Variants in PTPRD observed in about 807,000 individuals in gnomAD.
PTPRD encodes the protein receptor-type tyrosine-protein phosphatase delta.
Under a neutral mutation model 214.5 loss-of-function variants are expected in PTPRD, and 34 were observed. The ratio of observed to expected loss-of-function variants is 0.16; its 90% CI spans 0.12 to 0.21. The LOEUF is 0.21. Ranked by LOEUF, PTPRD falls within the 10% of genes least tolerant of loss-of-function variation. The pLI, the probability that PTPRD is intolerant of heterozygous loss-of-function variation, is 1.00. For synonymous variants in PTPRD, 1,128 were observed against 845.7 expected, an observed-to-expected ratio of 1.33 and a Z score of -5.79; for missense variants, 2,545 against 2,398.7, an observed-to-expected ratio of 1.06 and a Z score of -1.27.
At chr9:8,660,574 G>A (rs566557099) in intron 12 of PTPRD, among the ~76,000 whole-genome samples, 13 of 152,014 alleles carry the variant, frequency 8.6e-5, no homozygotes, top group Non-Finnish European at 1.8e-4. Context: ...TCCCCAGCTG[G>A]CTCCCAGCCC....
At chr9:8,891,520 G>T (rs1409548472) in intron 11 of PTPRD, among the ~76,000 whole-genome samples, 1 of 151,266 alleles carries the variant, frequency 6.6e-6, no homozygotes, top group South Asian at 2.1e-4. Context: ...ATACATTAAA[G>T]AGCCATTTGT....
intron 2 of PTPRD, among the ~76,000 whole-genome samples, chr9:10,454,773 C>T (rs562453950): frequency 6.6e-6 from 1 of 151,658 alleles, no homozygotes; most frequent in South Asian, 2.1e-4. Context: ...GTACCCAAAG[C>T]ACATATGCAG....
intron 3 of PTPRD, among the ~76,000 whole-genome samples, chr9:10,183,597 T>C (rs1216502390): frequency 1.3e-5 from 2 of 151,892 alleles, no homozygotes; most frequent in African/African-American, 4.8e-5. Flanking sequence ...AATTTCTTTC[T>C]TTTTTTTCAC....
intron 21 of PTPRD, among the ~76,000 whole-genome samples, chr9:8,508,905 G>C (rs1328626196): frequency 2.0e-5 from 3 of 151,554 alleles, no homozygotes; most frequent in South Asian, 2.1e-4. Context: ...GTGTGTGTGT[G>C]TGTGTGTGTG....
At chr9:9,427,600 C>A (rs750730870) in intron 8 of PTPRD, among the ~76,000 whole-genome samples, 32 of 152,090 alleles carry the variant, frequency 2.1e-4, no homozygotes, top group Non-Finnish European at 4.4e-4. Context: ...AACTCCAAGA[C>A]ACATAATTGT....
At chr9:9,912,551 G>A (rs560916909) in intron 5 of PTPRD, among the ~76,000 whole-genome samples, 1 of 152,232 alleles carries the variant, frequency 6.6e-6, no homozygotes, top group African/African-American at 2.4e-5. Context: ...GAAATAATTT[G>A]GTAATGAAGC....
intron 5 of PTPRD, among the ~76,000 whole-genome samples, chr9:9,851,365 CTG>C (rs1411686935): frequency 6.6e-6 from 1 of 152,184 alleles, no homozygotes; most frequent in African/African-American, 2.4e-5. Flanking sequence ...ACAGAAATAA[CTG>C]TTATATCTGT....
intron 4 of PTPRD, among the ~76,000 whole-genome samples, chr9:10,013,570 T>A (rs2096643159): frequency 6.8e-6 from 1 of 147,952 alleles, no homozygotes; most frequent in African/African-American, 2.4e-5. Flanking sequence ...CTACTTCAGA[T>A]ACAATGTAGT....
At chr9:9,106,863 T>C (rs926903804) in intron 10 of PTPRD, among the ~76,000 whole-genome samples, 7 of 152,278 alleles carry the variant, frequency 4.6e-5, no homozygotes, top group African/African-American at 1.7e-4. Context: ...TGAATATACC[T>C]CAGCATAGAC....
At chr9:8,365,293 C>T (rs975852333) in intron 39 of PTPRD, among the ~76,000 whole-genome samples, 37 of 152,154 alleles carry the variant, frequency 2.4e-4, no homozygotes, top group African/African-American at 6.7e-4. Flanking sequence ...TCTTGAATTA[C>T]AGGAAGATGT....
chr9:9,362,766 T>C (rs936093723), intron 9 of PTPRD, among the ~76,000 whole-genome samples: 1 of 151,318 alleles, frequency 6.6e-6, no homozygotes, highest in Non-Finnish European at 1.5e-5. Context: ...CTTGATAGAA[T>C]AGCAAATGTG....
chr9:10,330,227 C>T (rs1226938065), intron 3 of PTPRD, among the ~76,000 whole-genome samples: 1 of 151,686 alleles, frequency 6.6e-6, no homozygotes, highest in Non-Finnish European at 1.5e-5. Flanking sequence ...TTGTAAATCC[C>T]AATAGCTAAT....
chr9:8,702,064 C>A (rs1020617416), intron 12 of PTPRD, among the ~76,000 whole-genome samples: 2 of 151,996 alleles, frequency 1.3e-5, no homozygotes, highest in Non-Finnish European at 2.9e-5. Context: ...CGTGAGGACT[C>A]TCAATTACTT....
intron 7 of PTPRD, among the ~76,000 whole-genome samples, chr9:9,619,272 T>G (rs1490405661): frequency 6.6e-6 from 1 of 151,900 alleles, no homozygotes; most frequent in Non-Finnish European, 1.5e-5. Flanking sequence ...TGAAATGAAG[T>G]TGCAGTATCA....
chr9:9,684,951 A>G (rs2154399852), intron 7 of PTPRD, among the ~76,000 whole-genome samples: 1 of 151,774 alleles, frequency 6.6e-6, no homozygotes, highest in South Asian at 2.1e-4. Flanking sequence ...TAGATTATAC[A>G]TCACAGTTGT....
At chr9:9,287,713 AC>A (rs1949954251) in intron 9 of PTPRD, among the ~76,000 whole-genome samples, 1 of 151,936 alleles carries the variant, frequency 6.6e-6, no homozygotes, top group South Asian at 2.1e-4. Context: ...CACTTTTGAA[AC>A]ATATCAGTTG....
chr9:9,358,796 T>C (rs913449257), intron 9 of PTPRD, among the ~76,000 whole-genome samples: 2 of 151,258 alleles, frequency 1.3e-5, no homozygotes, highest in Non-Finnish European at 3.0e-5. Flanking sequence ...TGAATAACAA[T>C]CATTAACGTC....
At chr9:8,660,363 G>A (rs375113122) in intron 12 of PTPRD, among the ~76,000 whole-genome samples, 1 of 152,120 alleles carries the variant, frequency 6.6e-6, no homozygotes, top group Non-Finnish European at 1.5e-5. Flanking sequence ...ATTCTGTGTG[G>A]CTCCGTTCGT....
chr9:8,733,807 T>G lies in PTPRD; in HGVS notation c.37A>C (p.Thr13Pro). The change falls in exon 12 of 46, where the codon ACT (threonine) becomes CCT (proline). Residue 13 changes from threonine (T) to proline (P), a missense_variant. Thr to Pro is a conservative substitution (Grantham distance 38). Transcript: ENST00000381196. ...HVARLLLLLL[T>P]FFLRTDAETP... ...TCAGCATCCGTGCGGAGGAAGAAAG[T>G]GAGGAGCAGCAGCAGCAGCCTGGCT... The G allele has an allele frequency of 6.4e-7, 1 of 1,552,822 alleles. No homozygotes were observed. Among genetic ancestry groups the G allele is most frequent in the Non-Finnish European group, 8.7e-7 (1 of 1,147,682 alleles).
Sources: gnomAD v4.1 joint callset for allele counts (sites outside exome capture counted in the v4.1 genomes callset) on GRCh38, gnomAD v4.1.1 for gene constraint, MANE v1.5 for transcripts, NCBI Gene and HGNC (gene_info 2026-07-23, HGNC 2026-07-21) for gene names.